Variants in ARL10 observed in about 807,000 individuals in gnomAD.
ARL10 encodes ARF like GTPase 10.
In ARL10, 23 loss-of-function variants were observed where a neutral mutation model predicts 26.1. The observed-to-expected ratio is 0.88, with a 90% confidence interval of 0.63 to 1.25. ARL10 has a LOEUF of 1.25. Ranked by LOEUF, ARL10 falls within the 50% of genes most tolerant of loss-of-function variation. ARL10 has a pLI of 0.00. For synonymous variants in ARL10, 138 were observed against 149.1 expected, an observed-to-expected ratio of 0.93 and a Z score of 0.54; for missense variants, 300 against 323.6, an observed-to-expected ratio of 0.93 and a Z score of 0.56.
At chr5:176,401,089 A>G (rs1756796335) in intron 1 of ARL10, among the ~76,000 whole-genome samples, 2 of 152,210 alleles carry the variant, frequency 1.3e-5, no homozygotes, top group Non-Finnish European at 2.9e-5. Flanking sequence ...CTCTCTCCCA[A>G]CATCCCAGTG....
chr5:176,370,699 G>A (rs1382385344), intron 3 of ARL10, among the ~76,000 whole-genome samples: 4 of 152,080 alleles, frequency 2.6e-5, no homozygotes, highest in Non-Finnish European at 5.9e-5. Flanking sequence ...TAGCAGTTTT[G>A]AACCTGTAGG....
At chr5:176,390,498 C>G (rs13155545), downstream of ARL10, among the ~76,000 whole-genome samples, 14,818 of 152,146 alleles carry the variant, frequency 0.097, 838 homozygotes, top group African/African-American at 0.14. Context: ...GGCAGAATCT[C>G]GGCTCACTGC....
the ARL10 span, among the ~76,000 whole-genome samples, chr5:176,412,049 G>A: frequency 9.9e-5 from 15 of 151,992 alleles, no homozygotes; most frequent in East Asian, 1.2e-3. Flanking sequence ...GGTGGCAGGC[G>A]CCTGTAGTCC....
the ARL10 span, among the ~76,000 whole-genome samples, chr5:176,407,174 G>A: frequency 2.0e-5 from 3 of 152,168 alleles, no homozygotes; most frequent in Non-Finnish European, 4.4e-5. Flanking sequence ...GGGAGAAGGC[G>A]GGGGGCCAAG....
downstream of ARL10, chr5:176,381,987 G>A (rs1327931388): frequency 6.6e-6 from 1 of 152,248 alleles, no homozygotes; most frequent in Non-Finnish European, 1.5e-5. Context: ...GATCCAGAGT[G>A]TCACCGCTCT....
downstream of ARL10, chr5:176,386,818 G>A: frequency 6.2e-7 from 1 of 1,608,090 alleles, no homozygotes; most frequent in Non-Finnish European, 8.5e-7. Context: ...GTGACCTAAA[G>A]GAATATATGG....
chr5:176,390,533 A>T (rs1756230397), downstream of ARL10, among the ~76,000 whole-genome samples: 1 of 152,012 alleles, frequency 6.6e-6, no homozygotes, highest in African/African-American at 2.4e-5. Context: ...GGGCTCAAGC[A>T]ATTTTCCTGC....
downstream of ARL10, chr5:176,388,995 T>G: frequency 6.2e-7 from 1 of 1,613,122 alleles, no homozygotes; most frequent in Non-Finnish European, 8.5e-7. Flanking sequence ...CGGTAGGAAC[T>G]GCACAAGGAG....
chr5:176,390,972 C>T (rs1464549572), downstream of ARL10, among the ~76,000 whole-genome samples: 2 of 152,160 alleles, frequency 1.3e-5, no homozygotes, highest in Non-Finnish European at 2.9e-5. Context: ...CTGTGGTCAG[C>T]GCTCCTCAAA....
At chr5:176,410,186 A>G in the ARL10 span, 1 of 1,317,408 alleles carries the variant, frequency 7.6e-7, no homozygotes, top group Non-Finnish European at 1.1e-6. Context: ...TAAGCCTACA[A>G]CAATGAGGCT....
intron 1 of ARL10, among the ~76,000 whole-genome samples, chr5:176,394,005 G>T (rs1354487675): frequency 6.6e-6 from 1 of 152,340 alleles, no homozygotes; most frequent in East Asian, 1.9e-4. Context: ...GCTGACCCCG[G>T]ATCAGGTGAC....
chr5:176,395,084 CCCATCCCCACCATCCCCA>C (rs369801294), intron 1 of ARL10, among the ~76,000 whole-genome samples: 2 of 151,930 alleles, frequency 1.3e-5, no homozygotes, highest in East Asian at 1.9e-4. Flanking sequence ...TCAGCTCCCA[CCCATCCCCACCATCCCCA>C]CCATCCCCAC....
downstream of ARL10, among the ~76,000 whole-genome samples, chr5:176,402,297 C>CA (rs1299315646): frequency 6.6e-6 from 1 of 152,102 alleles, no homozygotes; most frequent in East Asian, 1.9e-4. Context: ...GACTCTGTCT[C>CA]AAAAAATAAA....
chr5:176,366,736 G>A (rs1469814679), intron 2 of ARL10, among the ~76,000 whole-genome samples, 155 bp downstream of exon 2: 1 of 152,128 alleles, frequency 6.6e-6, no homozygotes, highest in Admixed American at 6.5e-5. Flanking sequence ...TTCAGCCCAC[G>A]CTCTGTGCTC....
In ARL10 at chr5:176,393,920, C is replaced by T. The variant is rs1203829042; in HGVS notation, c.134-7821C>T. On this transcript the variant is annotated intron_variant, in intron 1 of 1. Transcript: ENST00000514533. This position sits in a 1 kb window ranked among gnomAD's most constrained non-coding sequence, Gnocchi z 4.4. ...AGGGTCGCTCACAAGTCCCTGGAAG[C>T]CCCCTCTCCATCTCAAGCAGGACCA... Among the ~76,000 whole-genome samples, 1 of 152,166 alleles carries T rather than the reference C, an allele frequency of 6.6e-6. No homozygotes were observed. The highest frequency in any genetic ancestry group is 2.4e-5 in the African/African-American group (1 of 41,438).
downstream of ARL10, among the ~76,000 whole-genome samples, chr5:176,382,966 G>A (rs1250196694): frequency 2.6e-5 from 4 of 152,172 alleles, no homozygotes; most frequent in Admixed American, 1.3e-4. Flanking sequence ...GTGTGCTTCC[G>A]AGGGCCAGTC....
chr5:176,397,686 G>A (rs765919511), intron 1 of ARL10: 11 of 1,613,096 alleles, frequency 6.8e-6, no homozygotes, highest in South Asian at 1.1e-5. Flanking sequence ...GCCTTCTCCC[G>A]CCATTCCTGT....
chr5:176,382,874 G>A (rs886608748), downstream of ARL10, among the ~76,000 whole-genome samples: 28 of 152,312 alleles, frequency 1.8e-4, no homozygotes, highest in African/African-American at 6.7e-4. Context: ...CCCAGCCAAA[G>A]GCCTGAATTT....
At chr5:176,411,694 A>G in the ARL10 span, among the ~76,000 whole-genome samples, 1 of 152,168 alleles carries the variant, frequency 6.6e-6, no homozygotes, top group African/African-American at 2.4e-5. Context: ...GGAACATAAC[A>G]AGGACTCAAT....
Sources: allele counts gnomAD v4.1 joint callset (sites outside exome capture counted in the v4.1 genomes callset), GRCh38; gene constraint gnomAD v4.1.1; non-coding constraint Gnocchi (gnomAD v3.1); transcripts MANE v1.5; gene names NCBI Gene and HGNC (gene_info 2026-07-23, HGNC 2026-07-21).